Variants in DCBLD2 observed in about 807,000 individuals in gnomAD.
DCBLD2 encodes discoidin, CUB and LCCL domain containing 2.
In DCBLD2, 54 loss-of-function variants were observed where a neutral mutation model predicts 86.8. That is an observed-to-expected ratio of 0.62 (90% CI 0.50 to 0.78). The LOEUF (loss-of-function observed/expected upper bound fraction) is 0.78, where lower values mean the gene tolerates loss of function less well. Ranked by LOEUF, DCBLD2 falls within the 30% of genes least tolerant of loss-of-function variation. DCBLD2 has a pLI of 0.00. For synonymous variants in DCBLD2, 354 were observed against 341.3 expected (o/e 1.04, Z -0.41); for missense variants, 908 against 954.2 (o/e 0.95, Z 0.64).
chr3:98,886,809 C>CT (rs1553734159), intron 1 of DCBLD2, among the ~76,000 whole-genome samples: 2,183 of 121,492 alleles, frequency 0.018, 45 homozygotes, highest in African/African-American at 0.025. Context: ...AACCCCCCCC[C>CT]TTTTTTTTTT....
chr3:98,892,916 C>A (rs1943688247), intron 1 of DCBLD2, among the ~76,000 whole-genome samples: 1 of 152,040 alleles, frequency 6.6e-6, no homozygotes, highest in Admixed American at 6.6e-5. Flanking sequence ...CTGAAGCACA[C>A]CAACAGGCAG....
chr3:98,870,757 G>GAAAAGAAAGAAAGAAAGAA (rs71124008), intron 2 of DCBLD2, among the ~76,000 whole-genome samples: 3 of 111,438 alleles, frequency 2.7e-5, no homozygotes, highest in African/African-American at 1.0e-4. Flanking sequence ...AAGAAAGAAA[G>GAAAAGAAAGAAAGAAAGAA]AAAGAAAGAA....
At chr3:98,895,593 T>C (rs1447711059) in intron 1 of DCBLD2, among the ~76,000 whole-genome samples, 1 of 152,178 alleles carries the variant, frequency 6.6e-6, no homozygotes, top group African/African-American at 2.4e-5. Flanking sequence ...AAAACCACTT[T>C]ATCAGTGAGG....
intron 2 of DCBLD2, among the ~76,000 whole-genome samples, chr3:98,853,223 TG>T (rs1233358292): frequency 6.6e-6 from 1 of 152,244 alleles, no homozygotes; most frequent in Non-Finnish European, 1.5e-5. Context: ...TGTACAGCTC[TG>T]GGCTATACTC....
At chr3:98,888,615 A>G (rs899137852) in intron 1 of DCBLD2, among the ~76,000 whole-genome samples, 2 of 152,022 alleles carry the variant, frequency 1.3e-5, no homozygotes, top group African/African-American at 4.8e-5. Context: ...AATATTTGTG[A>G]GTACTATTAT....
chr3:98,870,383 C>T (rs1263975701), intron 2 of DCBLD2, among the ~76,000 whole-genome samples: 1 of 152,114 alleles, frequency 6.6e-6, no homozygotes, highest in African/African-American at 2.4e-5. Context: ...GTGATGCCCC[C>T]AGATTTCTTT....
intron 2 of DCBLD2, among the ~76,000 whole-genome samples, chr3:98,867,379 T>C (rs1340255980): frequency 6.6e-6 from 1 of 152,210 alleles, no homozygotes; most frequent in Non-Finnish European, 1.5e-5. Context: ...TTTATTTCAT[T>C]GAGCAGTGGT....
chr3:98,879,947 T>C (rs1943437538), intron 2 of DCBLD2, among the ~76,000 whole-genome samples: 1 of 152,216 alleles, frequency 6.6e-6, no homozygotes, highest in African/African-American at 2.4e-5. Context: ...TAAAGAATGC[T>C]CAGGTGGTAC....
At chr3:98,864,470 A>G (rs1943105657) in intron 2 of DCBLD2, among the ~76,000 whole-genome samples, 1 of 152,218 alleles carries the variant, frequency 6.6e-6, no homozygotes, top group African/African-American at 2.4e-5. Context: ...TCCATCAATG[A>G]TAGACTAGAT....
At chr3:98,820,322 C>A in intron 6 of DCBLD2, 34 bp from the exon 7 acceptor site, 2 of 1,404,782 alleles carry the variant, frequency 1.4e-6, no homozygotes, top group South Asian at 1.9e-5. Flanking sequence ...TGGTGATACT[C>A]ACATAACACA....
intron 3 of DCBLD2, among the ~76,000 whole-genome samples, chr3:98,826,555 T>C (rs1265072145): frequency 4.6e-5 from 7 of 152,360 alleles, no homozygotes; most frequent in South Asian, 2.1e-4. Context: ...TAATGTGTTA[T>C]GTTAATATGT....
Position 98,836,763 on chromosome 3 carries a change from C to A in DCBLD2, c.572-11397G>T, listed in dbSNP as rs1455527619. On this transcript the variant is annotated intron_variant, in intron 3 of 15. Coordinates refer to ENST00000326840, the MANE Select transcript of DCBLD2 (RefSeq NM_080927.4). ...CTCCCTCCCGGACGGGGTGGCTGGC[C>A]GGGCGGGGGGCCGACACCCCCACCT... 2.8e-5 allele frequency among the ~76,000 whole-genome samples: 2 copies of A among 71,202 alleles called. 1 individual carries two copies. The highest frequency in any genetic ancestry group is 9.9e-5 in the African/African-American group (2 of 20,194). The allele number at this position is 71,202 out of a possible 152,430, so 46.7% of individuals were successfully genotyped here.
intron 13 of DCBLD2, among the ~76,000 whole-genome samples, chr3:98,805,841 C>G (rs1310072088): frequency 6.6e-6 from 1 of 152,186 alleles, no homozygotes; most frequent in African/African-American, 2.4e-5. Context: ...AGTCCTCCCC[C>G]TCACACCCTG....
chr3:98,880,031 A>C (rs2107520993), intron 2 of DCBLD2, among the ~76,000 whole-genome samples: 1 of 152,318 alleles, frequency 6.6e-6, no homozygotes, highest in Non-Finnish European at 1.5e-5. Context: ...TATCACAGTA[A>C]GTTTTTCTAC....
At chr3:98,898,460 C>T (rs1306508222) in intron 1 of DCBLD2, among the ~76,000 whole-genome samples, 1 of 150,756 alleles carries the variant, frequency 6.6e-6, no homozygotes, top group African/African-American at 2.4e-5. Flanking sequence ...ACCTTTTTTG[C>T]AGTTTAATTT....
chr3:98,839,153 T>TTCTCTC (rs1553727013), intron 3 of DCBLD2, among the ~76,000 whole-genome samples: 31 of 109,546 alleles, frequency 2.8e-4, no homozygotes, highest in Admixed American at 2.5e-3. Flanking sequence ...CCTTCTTTCT[T>TTCTCTC]TCTTTCTTTC....
intron 2 of DCBLD2, among the ~76,000 whole-genome samples, chr3:98,856,026 G>A (rs1233617400): frequency 6.6e-6 from 1 of 152,202 alleles, no homozygotes; most frequent in East Asian, 1.9e-4. Context: ...TCATAATAAT[G>A]TGAAGACTTC....
chr3:98,900,731 G>C (rs775931106), intron 1 of DCBLD2: 1 of 245,778 alleles, frequency 4.1e-6, no homozygotes, highest in African/African-American at 2.3e-5. Flanking sequence ...CCTTTAATAG[G>C]CTTAAGATGC....
chr3:98,900,943 G>A, intron 1 of DCBLD2, 179 bp downstream of exon 1: 2 of 1,109,634 alleles, frequency 1.8e-6, no homozygotes, highest in African/African-American at 1.6e-5. Context: ...CGCCAACTTG[G>A]GGGACAGACG....
Sources: allele counts gnomAD v4.1 joint callset (sites outside exome capture counted in the v4.1 genomes callset), GRCh38; gene constraint gnomAD v4.1.1; transcripts MANE v1.5; gene names NCBI Gene and HGNC (gene_info 2026-07-23, HGNC 2026-07-21).